The following GBP6 variants were observed in gnomAD, a reference collection of about 807,000 sequenced individuals.
The protein encoded by GBP6 is guanylate binding protein family member 6.
In GBP6, 54 loss-of-function variants were observed where a neutral mutation model predicts 61.5. The ratio of observed to expected loss-of-function variants is 0.88; its 90% CI spans 0.71 to 1.10. The LOEUF (loss-of-function observed/expected upper bound fraction) is 1.10, where lower values mean the gene tolerates loss of function less well. GBP6 is among the 50% of genes least tolerant of loss of function. The pLI, the probability that GBP6 is intolerant of heterozygous loss-of-function variation, is 0.00. For synonymous variants in GBP6, 255 were observed against 273.7 expected, an observed-to-expected ratio of 0.93 and a Z score of 0.67; for missense variants, 748 against 752.8, an observed-to-expected ratio of 0.99 and a Z score of 0.07.
At chr1:89,368,795 C>A (rs2100657822) in intron 2 of GBP6, 54 bp downstream of exon 2, 1 of 1,510,178 alleles carries the variant, frequency 6.6e-7, no homozygotes, top group Non-Finnish European at 9.1e-7. Context: ...TATATCTCAG[C>A]TTCTTGATTC....
intron 3 of GBP6, among the ~76,000 whole-genome samples, chr1:89,376,602 T>C (rs757564951): frequency 6.6e-6 from 1 of 152,202 alleles, no homozygotes; most frequent in Non-Finnish European, 1.5e-5. Flanking sequence ...TCATACTATT[T>C]TGACTACTGT....
rs770063843 is a variant in GBP6 at position 89,378,494 on chromosome 1, T to G, written c.506T>G (p.Phe169Cys). 6.2e-7 allele frequency: 1 copy of G among 1,614,020 alleles called. No individual in the cohort carries two copies. The highest frequency in any genetic ancestry group is 1.3e-5 in the African/African-American group (1 of 74,922). The change falls in exon 5 of 11, where the codon TTT (phenylalanine) becomes TGT (cysteine). Residue 169 changes from phenylalanine (F) to cysteine (C), a missense_variant. Transcript: ENST00000370456. Reference sequence around the variant, plus strand: ...GATGGAGTAGAAGATTCCACAGAGTTTGTGAGTTTCTTCCCAGACTTTCTT... The same window carrying G: ...GATGGAGTAGAAGATTCCACAGAGTGTGTGAGTTTCTTCCCAGACTTTCTT... ...RPDGVEDSTE[F>C]VSFFPDFLWT... is the part of the protein sequence containing the mutation.
In GBP6 at chr1:89,368,529, G is replaced by A. The variant is rs1652526719; in HGVS notation, c.-23G>A. On this transcript the variant is annotated splice_region_variant and 5_prime_UTR_variant, in exon 2 of 11. Coordinates refer to ENST00000370456, the MANE Select transcript of GBP6 (RefSeq NM_198460.3). The stretch of plus-strand genomic sequence containing the variant: ...AATGTAACGTTATTTCTACTGGGAG[G>A]CTCTTCTAGGTTGGCAGTTGCCATG... The A allele has an allele frequency of 1.2e-6, 2 of 1,605,302 alleles. No homozygotes were observed. The highest frequency in any genetic ancestry group is 8.5e-7 in the Non-Finnish European group (1 of 1,174,118).
At chr1:89,383,777 C>T (rs923968909) in intron 9 of GBP6, 23 bp downstream of exon 9, 2 of 1,524,116 alleles carry the variant, frequency 1.3e-6, no homozygotes, top group African/African-American at 2.8e-5. Context: ...GCTCAGCTTA[C>T]ACAGGAGGGG....
At position 89,387,484 on chromosome 1, in the gene GBP6, G is replaced by C. The variant is rs1653173604; in HGVS notation, c.*2015G>C. ...GTACATCTCCTTGGGAGTATGTTCA[G>C]GCATAGGTTGTGCTAAATAAGCTTC... On this transcript the variant is annotated 3_prime_UTR_variant, in exon 11 of 11. Coordinates refer to ENST00000370456, the MANE Select transcript of GBP6 (RefSeq NM_198460.3). Among the ~76,000 whole-genome samples the C allele has an allele frequency of 6.6e-6, 1 of 152,202 alleles. No homozygotes were observed. Among genetic ancestry groups the C allele is most frequent in the African/African-American group, 2.4e-5 (1 of 41,456 alleles).
intron 1 of GBP6, among the ~76,000 whole-genome samples, chr1:89,366,562 G>A (rs1166356170): frequency 4.6e-5 from 7 of 152,056 alleles, no homozygotes; most frequent in South Asian, 2.1e-4. Flanking sequence ...GCAGGTTGTC[G>A]ATCAAAAACC....
Position 89,378,546 on chromosome 1 carries a change from G to T in GBP6, c.558G>T (p.Glu186Asp), listed in dbSNP as rs1037568961. The T allele has an allele frequency of 1.9e-6, 3 of 1,614,006 alleles. No individual in the cohort carries two copies. The African/African-American group carries it at 4.0e-5, about 22-fold the overall frequency. Residue 186 changes from glutamate to aspartate, a missense_variant, in exon 5 of 11, where the codon GAG (glutamate) becomes GAT (aspartate). Transcript: ENST00000370456. ...FLWTVRDFTLELKLNGHPITE... is the reference protein window; with the variant it reads ...FLWTVRDFTLDLKLNGHPITE... ...GGACAGTACGGGATTTCACTCTGGA[G>T]CTGAAGTTGAACGGTCACCCTATCA... is the stretch of plus-strand genomic sequence containing the variant.
At position 89,385,123 on chromosome 1, in the gene GBP6, GTTT is replaced by G. The variant is rs1052041622; in HGVS notation, c.1663-104_1663-102del. On this transcript the variant is annotated intron_variant, in intron 10 of 10. Coordinates refer to ENST00000370456, the MANE Select transcript of GBP6 (RefSeq NM_198460.3). ...ATTCTCCTCTAATAACTGAGAAAAT[GTTT>G]TTAGGAGTAAAATAAAGTTTCACAC... 1.1e-5 allele frequency: 11 copies of G among 987,958 alleles called. No individual in the cohort carries two copies. The African/African-American group carries it at 1.8e-4, about 16-fold the overall frequency. The allele number at this position is 987,958 out of a possible 1,614,324, so 61.2% of individuals were successfully genotyped here.
chr1:89,380,004 G>A (rs1036761351), intron 5 of GBP6, among the ~76,000 whole-genome samples: 11 of 152,070 alleles, frequency 7.2e-5, no homozygotes, highest in African/African-American at 2.7e-4. Context: ...CTGGTGTCAT[G>A]GTGCACACCT....
At position 89,386,039 on chromosome 1, in the gene GBP6, A is replaced by G. The variant is rs1472820624; in HGVS notation, c.*570A>G. 6.6e-6 allele frequency: 1 copy of G among 152,244 alleles called. No individual in the cohort carries two copies. The highest frequency in any genetic ancestry group is 2.4e-5 in the African/African-American group (1 of 41,402). 9.4% of individuals were successfully genotyped at this position (152,244 alleles called of 1,614,324 possible). On this transcript the variant is annotated 3_prime_UTR_variant, in exon 11 of 11. Coordinates refer to ENST00000370456, the MANE Select transcript of GBP6 (RefSeq NM_198460.3). Reference sequence around the variant, plus strand: ...TGCAATGTACTTGAATGTCCTTCACATTAGATTGGTAAGATAAATTTTAGT... The same window carrying G: ...TGCAATGTACTTGAATGTCCTTCACGTTAGATTGGTAAGATAAATTTTAGT...
At position 89,382,673 on chromosome 1, in the gene GBP6, A is replaced by G. The variant is rs762477460; in HGVS notation, c.1162A>G (p.Met388Val). 3.1e-6 allele frequency: 5 copies of G among 1,613,912 alleles called. No individual in the cohort carries two copies. The Admixed American group carries it at 5.0e-5, about 16-fold the overall frequency. ...TACATTTCCCTTGCAGGAAACCACA[A>G]TGAATAAGAAGGGGGATTTCTTGCT... ...EFQKKFMETTMNKKGDFLLQN... is the reference protein window; with the variant it reads ...EFQKKFMETTVNKKGDFLLQN... The change falls in exon 8 of 11, where the codon ATG (methionine) becomes GTG (valine). Residue 388 changes from methionine (M) to valine (V), a missense_variant. Physicochemically the swap from Met to Val is conservative, Grantham distance 21. Coordinates refer to ENST00000370456, the MANE Select transcript of GBP6 (RefSeq NM_198460.3).
rs1049974710 is a variant in GBP6 at position 89,368,113 on chromosome 1, G to A, written c.-23-416G>A. 3.9e-5 allele frequency among the ~76,000 whole-genome samples: 6 copies of A among 152,216 alleles called. 1 individual carries two copies. The South Asian group carries it at 1.2e-3, about 32-fold the overall frequency. On this transcript the variant is annotated intron_variant, in intron 1 of 10. Coordinates refer to ENST00000370456, the MANE Select transcript of GBP6 (RefSeq NM_198460.3). ...CCTGCTATTTTAATCAATTGTCCAG[G>A]TTTGTAAGCCGGGTTCTATGATTTC...
chr1:89,382,590 C>T, intron 7 of GBP6, 74 bp from the exon 8 acceptor site: 1 of 1,236,824 alleles, frequency 8.1e-7, no homozygotes, highest in Non-Finnish European at 1.2e-6. Flanking sequence ...TAGATTGACT[C>T]TACCACCAGA....
rs1653160509 is a variant in GBP6 at position 89,386,954 on chromosome 1, A to G, written c.*1485A>G. 6.6e-6 allele frequency among the ~76,000 whole-genome samples: 1 copy of G among 152,222 alleles called. No individual in the cohort carries two copies. The highest frequency in any genetic ancestry group is 1.5e-5 in the Non-Finnish European group (1 of 68,046). ...CAAGGCCTGATGGAGATAATTCTGA[A>G]GATGGTCAATACAATGGACCAGCCA... On this transcript the variant is annotated 3_prime_UTR_variant, in exon 11 of 11. Coordinates refer to ENST00000370456, the MANE Select transcript of GBP6 (RefSeq NM_198460.3).
rs116429247 is a variant in GBP6, at chr1:89,368,582, G to A, written c.31G>A (p.Val11Ile). 119 of 1,613,966 alleles carry A rather than the reference G, an allele frequency of 7.4e-5. No individual in the cohort carries two copies. Among genetic ancestry groups the A allele is most frequent in the Middle Eastern group, 3.3e-4 (2 of 6,080 alleles). MESGPKMLAP[V>I]CLVENNNEQL... ...ATCTGGACCCAAAATGTTGGCCCCCGTTTGCCTGGTGGAAAATAACAATGA... is the reference window on the plus strand; with the variant it reads ...ATCTGGACCCAAAATGTTGGCCCCCATTTGCCTGGTGGAAAATAACAATGA... The change falls in exon 2 of 11, where the codon GTT (valine) becomes ATT (isoleucine). Residue 11 changes from valine to isoleucine, a missense_variant. Val to Ile is a conservative substitution (Grantham distance 29). Coordinates refer to ENST00000370456, the MANE Select transcript of GBP6 (RefSeq NM_198460.3).
Position 89,384,257 on chromosome 1 carries a change from C to G in GBP6, c.1633C>G (p.Gln545Glu). Residue 545 changes from glutamine (Q) to glutamate (E), a missense_variant, in exon 10 of 11, where the codon CAG becomes GAG. Gln to Glu is a conservative substitution (Grantham distance 29). Coordinates refer to ENST00000370456, the MANE Select transcript of GBP6 (RefSeq NM_198460.3). ...GGAGAGAGAACACCTACTGAGAGAG[C>G]AGATTATGATGTTGGAGCACACGCA... Reference protein sequence around the residue: ...QMEREHLLREQIMMLEHTQKV... With the variant: ...QMEREHLLREEIMMLEHTQKV... The G allele has an allele frequency of 1.9e-6, 3 of 1,613,382 alleles. No individual in the cohort carries two copies. The Middle Eastern group carries it at 5.0e-4, about 268-fold the overall frequency.
At position 89,381,810 on chromosome 1, in the gene GBP6, G is replaced by C; in HGVS notation, c.988G>C (p.Ala330Pro). 1 of 1,614,062 alleles carries C rather than the reference G, an allele frequency of 6.2e-7. No individual in the cohort carries two copies. Among genetic ancestry groups the C allele is most frequent in the Non-Finnish European group, 8.5e-7 (1 of 1,179,972 alleles). Residue 330 changes from alanine (A) to proline (P), a missense_variant, in exon 7 of 11, where the codon GCA becomes CCA. Coordinates refer to ENST00000370456, the MANE Select transcript of GBP6 (RefSeq NM_198460.3). ...TGAGAACTCAGCGGCCGTGCAGAGG[G>C]CAGCTGACTACTACAGCCAGCAGAT... ...QRENSAAVQR[A>P]ADYYSQQMAQ...
chr1:89,381,771 A>G lies in GBP6; in HGVS notation c.949A>G (p.Thr317Ala). The G allele has an allele frequency of 2.5e-6, 4 of 1,613,982 alleles. No individual in the cohort carries two copies. Among genetic ancestry groups the G allele is most frequent in the Non-Finnish European group, 3.4e-6 (4 of 1,179,990 alleles). ...GCCTTGTCTGGAGAATGCAGTGATA[A>G]CTCTGGCCCAGCGTGAGAACTCAGC... Reference protein sequence around the residue: ...AVPCLENAVITLAQRENSAAV... With the variant: ...AVPCLENAVIALAQRENSAAV... The change falls in exon 7 of 11, where the codon ACT (threonine) becomes GCT (alanine). Residue 317 changes from threonine to alanine, a missense_variant. Coordinates refer to ENST00000370456, the MANE Select transcript of GBP6 (RefSeq NM_198460.3).
rs1653111756 is a variant in GBP6, at chr1:89,385,437, T to C, written c.1870T>C (p.Ser624Pro). The C allele has an allele frequency of 1.9e-6, 3 of 1,614,078 alleles. No homozygotes were observed. The highest frequency in any genetic ancestry group is 4.5e-5 in the East Asian group (2 of 44,884). ...TGGTCATGGTGTCAAAGGTGTGAGC[T>C]CACTCTTTAAAAAGCATAAGCTCCC... ...LIGHGVKGVS[S>P]LFKKHKLPF Residue 624 changes from serine (S) to proline (P), a missense_variant, in exon 11 of 11, where the codon TCA becomes CCA. Coordinates refer to ENST00000370456, the MANE Select transcript of GBP6 (RefSeq NM_198460.3).
Sources: allele counts gnomAD v4.1 joint callset (sites outside exome capture counted in the v4.1 genomes callset), GRCh38; gene constraint gnomAD v4.1.1; transcripts MANE v1.5; gene names NCBI Gene and HGNC (gene_info 2026-07-23, HGNC 2026-07-21).